ADCY9: variants seen among roughly 807,000 people sequenced by gnomAD.
ADCY9 encodes the protein adenylate cyclase type 9.
In ADCY9, 50 loss-of-function variants were observed where a neutral mutation model predicts 101.5. The ratio of observed to expected loss-of-function variants is 0.49; its 90% CI spans 0.39 to 0.62. The LOEUF is 0.62. Ranked by LOEUF, ADCY9 falls within the 20% of genes least tolerant of loss-of-function variation. The probability of loss-of-function intolerance (pLI) is 0.00; values close to 1 mark genes in which losing one functional copy is unlikely to be tolerated. For missense variants in ADCY9, 1,662 were observed against 1,800.4 expected (o/e 0.92, Z 1.39); for synonymous variants, 905 against 769.3 (o/e 1.18, Z -2.92).
intron 2 of ADCY9, among the ~76,000 whole-genome samples, chr16:4,061,523 C>A (rs113216316): frequency 6.6e-6 from 1 of 152,084 alleles, no homozygotes; most frequent in African/African-American, 2.4e-5. Flanking sequence ...GCTGACTTCA[C>A]GTTAGAAATT....
In ADCY9 at chr16:3,992,326, A is replaced by G; in HGVS notation, c.2027T>C (p.Leu676Pro). 1 of 1,614,036 alleles carries G rather than the reference A, an allele frequency of 6.2e-7. No homozygotes were observed. The highest frequency in any genetic ancestry group is 8.5e-7 in the Non-Finnish European group (1 of 1,179,998). Residue 676 changes from leucine (L) to proline (P), a missense_variant, in exon 5 of 11, where the codon CTC becomes CCC. Physicochemically the swap from Leu to Pro is moderately conservative, Grantham distance 98 (BLOSUM62 -3). Transcript: ENST00000294016. This position sits in a 1 kb window ranked among gnomAD's most constrained non-coding sequence, Gnocchi z 4.2. ...GGPNPKTQNGLLSPPQEEKLT... is the reference protein window; with the variant it reads ...GGPNPKTQNGPLSPPQEEKLT... ...CTTCTCCTCTTGGGGAGGGCTGAGG[A>G]GCCCGTTCTGAGTTTTGGGATTAGG...
At chr16:4,059,264 C>A (rs972885312) in intron 2 of ADCY9, among the ~76,000 whole-genome samples, 1 of 150,988 alleles carries the variant, frequency 6.6e-6, no homozygotes, top group African/African-American at 2.4e-5. Flanking sequence ...GCCTGTAATC[C>A]CAGCAACCTG....
At chr16:4,045,842 A>T (rs552102971) in intron 2 of ADCY9, among the ~76,000 whole-genome samples, 1 of 147,372 alleles carries the variant, frequency 6.8e-6, no homozygotes, top group African/African-American at 2.5e-5. Context: ...GGGACTACAG[A>T]CATGCACCAC....
At chr16:4,040,328 A>G (rs189526011) in intron 2 of ADCY9, among the ~76,000 whole-genome samples, 169 of 152,196 alleles carry the variant, frequency 1.1e-3, no homozygotes, top group Non-Finnish European at 2.8e-4. Context: ...TTCCTTTTAA[A>G]TTTTTACTTA....
At chr16:4,078,502 G>GC (rs1215330598) in intron 2 of ADCY9, among the ~76,000 whole-genome samples, 2 of 149,906 alleles carry the variant, frequency 1.3e-5, no homozygotes, top group African/African-American at 4.9e-5. Context: ...GGTCAAAGCT[G>GC]CAGTGAGATC....
At chr16:4,072,129 C>G (rs6500575) in intron 2 of ADCY9, among the ~76,000 whole-genome samples, 89,424 of 152,040 alleles carry the variant, frequency 0.59, 26,586 homozygotes, top group South Asian at 0.68. Flanking sequence ...CCACTGGGCC[C>G]GATCTGTTTT....
intron 5 of ADCY9, among the ~76,000 whole-genome samples, chr16:3,989,715 A>T (rs2072339): frequency 2.0e-5 from 3 of 152,254 alleles, no homozygotes; most frequent in South Asian, 2.1e-4. Flanking sequence ...GATTAGGAGA[A>T]GATGAAGGCA....
At chr16:4,103,333 C>T (rs911236986) in intron 2 of ADCY9, among the ~76,000 whole-genome samples, 2 of 152,226 alleles carry the variant, frequency 1.3e-5, no homozygotes, top group Non-Finnish European at 2.9e-5. Flanking sequence ...TCTGTGGAGT[C>T]TAAACTATTT....
At chr16:3,973,789 G>A (rs953782557) in intron 10 of ADCY9, among the ~76,000 whole-genome samples, 1 of 151,976 alleles carries the variant, frequency 6.6e-6, no homozygotes, top group African/African-American at 2.4e-5. Flanking sequence ...CACCGAGCCC[G>A]GTCCTTTTCT....
At chr16:3,954,079 C>T (rs963389396) in intron 5 of ADCY9, among the ~76,000 whole-genome samples, 3 of 152,190 alleles carry the variant, frequency 2.0e-5, no homozygotes, top group African/African-American at 7.2e-5. Flanking sequence ...CCACTTGGCA[C>T]TCATCTGGGT....
rs539007453 is a variant in ADCY9, at chr16:3,994,617, G to A, written c.1885-1107C>T. On this transcript the variant is annotated intron_variant, in intron 3 of 10. Coordinates refer to ENST00000294016, the MANE Select transcript of ADCY9 (RefSeq NM_001116.4). ...ATTACAGGTGCCTGCCACCACGCCC[G>A]GCTACTTGTTTTGTGTTTTTAGTAG... Among the ~76,000 whole-genome samples, 467 of 152,198 alleles carry A rather than the reference G, an allele frequency of 3.1e-3. 3 individuals carry two copies. The highest frequency in any genetic ancestry group is 0.011 in the African/African-American group (445 of 41,516).
At chr16:3,957,403 G>C (rs571083305) in intron 5 of ADCY9, among the ~76,000 whole-genome samples, 1 of 152,276 alleles carries the variant, frequency 6.6e-6, no homozygotes, top group South Asian at 2.1e-4. Flanking sequence ...ATTTACTGGC[G>C]GAAAAGTCAT....
chr16:4,008,175 T>C (rs2056379990), intron 2 of ADCY9, among the ~76,000 whole-genome samples: 1 of 151,498 alleles, frequency 6.6e-6, no homozygotes, highest in African/African-American at 2.4e-5. Flanking sequence ...TCCACATGCA[T>C]TTTATTGTCT....
intron 2 of ADCY9, among the ~76,000 whole-genome samples, chr16:4,057,497 G>A (rs548740716): frequency 5.3e-5 from 8 of 152,126 alleles, no homozygotes; most frequent in Admixed American, 2.0e-4. Context: ...TTTGTCCGCC[G>A]GCCACCGTTC....
chr16:3,992,044 C>T lies in ADCY9; in HGVS notation c.2207+102G>A. 3 of 1,203,180 alleles carry T rather than the reference C, an allele frequency of 2.5e-6. No individual in the cohort carries two copies. Among genetic ancestry groups the T allele is most frequent in the East Asian group, 2.4e-5 (1 of 41,264 alleles). The allele number at this position is 1,203,180 out of a possible 1,614,324, so 74.5% of individuals were successfully genotyped here. On this transcript the variant is annotated intron_variant, in intron 5 of 10. Transcript: ENST00000294016. This position sits in a 1 kb window ranked among gnomAD's most constrained non-coding sequence, Gnocchi z 4.2. ...CAAGATCGCGCCACTGCACTGCAGC[C>T]TGGATGACAGAGCGAGACTCAGTCT...
chr16:4,090,842 A>T (rs551317475), intron 2 of ADCY9, among the ~76,000 whole-genome samples: 4 of 151,888 alleles, frequency 2.6e-5, no homozygotes, highest in Admixed American at 2.0e-4. Flanking sequence ...AAACTTATGC[A>T]TTCATATAAA....
intron 2 of ADCY9, among the ~76,000 whole-genome samples, chr16:4,084,041 G>C (rs1350811729): frequency 1.3e-5 from 2 of 152,084 alleles, no homozygotes; most frequent in Non-Finnish European, 2.9e-5. Flanking sequence ...TTTTGACACA[G>C]GGTCTCACCC....
Position 3,966,696 on chromosome 16 carries a change from G to A in ADCY9, c.3141C>T (p.Ser1047=). 6.2e-7 allele frequency: 1 copy of A among 1,614,080 alleles called. No homozygotes were observed. Among genetic ancestry groups the A allele is most frequent in the South Asian group, 1.1e-5 (1 of 91,068 alleles). Residue 1047 remains serine (S), a synonymous_variant, in exon 11 of 11, where the codon TCC becomes TCT. Transcript: ENST00000294016. Reference sequence around the variant, plus strand: ...TGTCATGGTTCTTGGAGTAGGTCTGGGACACCTTCAGCTGCTCAGCCACGT... The same window carrying A: ...TGTCATGGTTCTTGGAGTAGGTCTGAGACACCTTCAGCTGCTCAGCCACGT... ...PYHVAEQLKV[S]QTYSKNHDSG...
At chr16:4,086,156 A>G (rs731471) in intron 2 of ADCY9, among the ~76,000 whole-genome samples, 98,538 of 151,242 alleles carry the variant, frequency 0.65, 32,791 homozygotes, top group East Asian at 0.9. Context: ...GATGAAGGAC[A>G]AGGAGAAAAA....
Sources: allele counts gnomAD v4.1 joint callset (sites outside exome capture counted in the v4.1 genomes callset), GRCh38; gene constraint gnomAD v4.1.1; non-coding constraint Gnocchi (gnomAD v3.1); transcripts MANE v1.5; gene names NCBI Gene and HGNC (gene_info 2026-07-23, HGNC 2026-07-21).